GLT1D1: variants seen among roughly 807,000 people sequenced by gnomAD.
GLT1D1 encodes glycosyltransferase 1 domain containing 1.
Under a neutral mutation model 28.7 loss-of-function variants are expected in GLT1D1, and 21 were observed. The observed-to-expected ratio is 0.73, with a 90% confidence interval of 0.52 to 1.05. The LOEUF is 1.05. Among genes scored for constraint, GLT1D1 ranks in the 50% least tolerant of loss-of-function variants. The pLI is 0.00. For missense variants in GLT1D1, 343 were observed against 330.6 expected, an observed-to-expected ratio of 1.04 and a Z score of -0.29; for synonymous variants, 147 against 124.8, an observed-to-expected ratio of 1.18 and a Z score of -1.19.
intron 1 of GLT1D1, chr12:128,863,987 C>T: frequency 3.7e-6 from 1 of 268,542 alleles, no homozygotes; most frequent in South Asian, 7.9e-5. Context: ...GATCTGAATA[C>T]TATCTGGAAG....
At chr12:128,896,161 T>C (rs192573313) in intron 3 of GLT1D1, among the ~76,000 whole-genome samples, 39 of 152,126 alleles carry the variant, frequency 2.6e-4, no homozygotes, top group Admixed American at 2.4e-3. Context: ...CACCAGGGCT[T>C]TTTTTGTCAA....
intron 2 of GLT1D1, among the ~76,000 whole-genome samples, chr12:128,877,793 A>G (rs890395342): frequency 3.3e-5 from 5 of 152,222 alleles, no homozygotes; most frequent in Non-Finnish European, 7.3e-5. Flanking sequence ...TTGTTATCTA[A>G]TGGTTCCTGT....
chr12:128,866,775 C>T (rs1956537338), intron 1 of GLT1D1, among the ~76,000 whole-genome samples: 1 of 152,088 alleles, frequency 6.6e-6, no homozygotes, highest in Non-Finnish European at 1.5e-5. Flanking sequence ...CGTGCGCCAC[C>T]ACACCTGGCT....
At chr12:128,944,868 T>C (rs1467227143) in intron 4 of GLT1D1, 6 of 354,422 alleles carry the variant, frequency 1.7e-5, no homozygotes, top group Admixed American at 1.3e-4. Flanking sequence ...TACATAGGTA[T>C]ACATGTGCCA....
At chr12:128,908,517 T>G (rs1871181640) in intron 4 of GLT1D1, among the ~76,000 whole-genome samples, 1 of 151,084 alleles carries the variant, frequency 6.6e-6, no homozygotes, top group Non-Finnish European at 1.5e-5. Flanking sequence ...CCTTCCTTCT[T>G]TCTTTCTTTC....
chr12:128,964,024 A>G lies in GLT1D1; in HGVS notation c.639+6381A>G, dbSNP rs117621829. On this transcript the variant is annotated intron_variant, in intron 7 of 7. Transcript: ENST00000281703. ...GCTGCAAGTCCAAGATGGGCACCTC[A>G]TAGACAGCTGTCTTCTCCCTGTGTC... Among the ~76,000 whole-genome samples the G allele has an allele frequency of 3.6e-3, 543 of 152,326 alleles. 12 individuals are homozygous for G. The South Asian group carries it at 0.04, about 11-fold the overall frequency.
chr12:128,972,201 G>A (rs1879248044), intron 7 of GLT1D1, among the ~76,000 whole-genome samples: 1 of 152,182 alleles, frequency 6.6e-6, no homozygotes, highest in Admixed American at 6.5e-5. Context: ...GGGCAGCATT[G>A]GGAGACATTA....
intron 7 of GLT1D1, among the ~76,000 whole-genome samples, chr12:128,970,041 C>T (rs996553240): frequency 2.0e-5 from 3 of 152,182 alleles, no homozygotes; most frequent in African/African-American, 4.8e-5. Flanking sequence ...CCCCAGTCAG[C>T]GGGGTGCTTG....
In GLT1D1 at chr12:128,945,313, T is replaced by C; in HGVS notation, c.376-13T>C. The C allele has an allele frequency of 6.2e-7, 1 of 1,614,010 alleles. No individual in the cohort carries two copies. The highest frequency in any genetic ancestry group is 8.5e-7 in the Non-Finnish European group (1 of 1,179,838). On this transcript the variant is annotated splice_polypyrimidine_tract_variant and intron_variant, in intron 4 of 7. Transcript: ENST00000281703. Reference sequence around the variant, plus strand: ...GGCGGCGACCGCTGACATTTATCTTTGTCTCTTTTCAGGTCGATCCAGTGT... The same window carrying C: ...GGCGGCGACCGCTGACATTTATCTTCGTCTCTTTTCAGGTCGATCCAGTGT...
chr12:128,919,663 C>T (rs1201834173), intron 4 of GLT1D1, among the ~76,000 whole-genome samples: 6 of 152,190 alleles, frequency 3.9e-5, no homozygotes, highest in African/African-American at 1.4e-4. Flanking sequence ...AATTTTTTCA[C>T]ACGATATTGA....
intron 4 of GLT1D1, chr12:128,944,446 A>G: frequency 7.4e-7 from 1 of 1,342,886 alleles, no homozygotes; most frequent in Non-Finnish European, 1.1e-6. Flanking sequence ...TCTCTTGATA[A>G]CCATCTCTGG....
chr12:128,919,276 G>A (rs1403967148), intron 4 of GLT1D1, among the ~76,000 whole-genome samples: 1 of 152,190 alleles, frequency 6.6e-6, no homozygotes, highest in Non-Finnish European at 1.5e-5. Flanking sequence ...GTAGAGTGAA[G>A]TTGGTAGACA....
At chr12:128,943,136 G>A (rs776292465) in intron 4 of GLT1D1, among the ~76,000 whole-genome samples, 6 of 152,150 alleles carry the variant, frequency 3.9e-5, no homozygotes, top group African/African-American at 7.2e-5. Flanking sequence ...AACAGGTATC[G>A]ATTTCTTGGA....
chr12:128,912,188 G>A (rs1012665026), intron 4 of GLT1D1, among the ~76,000 whole-genome samples: 2 of 152,148 alleles, frequency 1.3e-5, no homozygotes, highest in African/African-American at 4.8e-5. Flanking sequence ...GAGACTTTTT[G>A]TGTGTGTGCT....
chr12:128,915,261 TATAAGA>T (rs1199244927), intron 4 of GLT1D1, among the ~76,000 whole-genome samples: 1 of 152,248 alleles, frequency 6.6e-6, no homozygotes, highest in Non-Finnish European at 1.5e-5. Context: ...ATTTGTTCTT[TATAAGA>T]ATAACAACCT....
At chr12:128,909,339 A>G (rs1360736239) in intron 4 of GLT1D1, among the ~76,000 whole-genome samples, 1 of 129,552 alleles carries the variant, frequency 7.7e-6, no homozygotes, top group South Asian at 2.5e-4. Context: ...CTTTTTTTTT[A>G]TGCACGATAA....
chr12:128,884,243 G>A (rs1328444003), intron 2 of GLT1D1, among the ~76,000 whole-genome samples: 3 of 152,152 alleles, frequency 2.0e-5, no homozygotes, highest in African/African-American at 7.2e-5. Flanking sequence ...TCTGTCGTTT[G>A]TAACAACATG....
intron 4 of GLT1D1, 65 bp downstream of exon 8, chr12:128,927,219 T>G (rs1873318247): frequency 1.6e-6 from 2 of 1,219,972 alleles, no homozygotes; most frequent in Non-Finnish European, 2.3e-6. Context: ...TTTATGTATT[T>G]TCTACAATCA....
intron 3 of GLT1D1, among the ~76,000 whole-genome samples, chr12:128,893,788 G>A (rs1461600678): frequency 6.6e-6 from 1 of 152,076 alleles, no homozygotes; most frequent in African/African-American, 2.4e-5. Flanking sequence ...GTTTCTCTGT[G>A]TTGGCCAGGC....
Sources: gnomAD v4.1 joint callset for allele counts (sites outside exome capture counted in the v4.1 genomes callset) on GRCh38, gnomAD v4.1.1 for gene constraint, MANE v1.5 for transcripts, NCBI Gene and HGNC (gene_info 2026-07-23, HGNC 2026-07-21) for gene names.